The following ZNF385D variants were observed in gnomAD, a reference collection of about 807,000 sequenced individuals.
The protein encoded by ZNF385D is zinc finger protein 659.
ZNF385D carries 15 observed loss-of-function variants against 35.8 expected under a neutral mutation model. The ratio of observed to expected loss-of-function variants is 0.42; its 90% CI spans 0.28 to 0.64. The LOEUF is 0.64. Among genes scored for constraint, ZNF385D ranks in the 30% least tolerant of loss-of-function variants. ZNF385D has a pLI of 0.23. For missense variants in ZNF385D, 474 were observed against 494.6 expected (o/e 0.96, Z 0.39); for synonymous variants, 212 against 186.8 (o/e 1.13, Z -1.10).
intron 2 of ZNF385D, among the ~76,000 whole-genome samples, chr3:22,251,628 T>G (rs750295833): frequency 6.6e-6 from 1 of 152,076 alleles, no homozygotes; most frequent in Non-Finnish European, 1.5e-5. Context: ...ATGTCAGTAG[T>G]GAATCCCTCC....
chr3:21,843,749 G>C (rs187327778), intron 3 of ZNF385D, among the ~76,000 whole-genome samples: 1 of 151,944 alleles, frequency 6.6e-6, no homozygotes, highest in South Asian at 2.1e-4. Context: ...AGCAGATGGT[G>C]AATTCTTAAT....
intron 3 of ZNF385D, among the ~76,000 whole-genome samples, chr3:22,161,818 C>T (rs756008715): frequency 1.3e-5 from 2 of 152,092 alleles, no homozygotes; most frequent in Non-Finnish European, 2.9e-5. Context: ...ATGACATAAA[C>T]TCAATAACAT....
At chr3:21,998,745 T>G (rs753874229) in intron 3 of ZNF385D, among the ~76,000 whole-genome samples, 2 of 152,316 alleles carry the variant, frequency 1.3e-5, no homozygotes, top group African/African-American at 4.8e-5. Flanking sequence ...TCTTTTTAAT[T>G]ATTTGTATTT....
intron 2 of ZNF385D, among the ~76,000 whole-genome samples, chr3:22,297,924 C>T (rs903591975): frequency 6.6e-6 from 1 of 151,930 alleles, no homozygotes; most frequent in African/African-American, 2.4e-5. Flanking sequence ...TAAAAATAAT[C>T]TCTGCATCTA....
intron 3 of ZNF385D, among the ~76,000 whole-genome samples, chr3:22,043,318 G>A (rs1313935227): frequency 6.6e-6 from 1 of 152,066 alleles, no homozygotes; most frequent in African/African-American, 2.4e-5. Flanking sequence ...GAATTATTAT[G>A]TTTCTTACAG....
chr3:21,874,204 A>G (rs1697843675), intron 3 of ZNF385D, among the ~76,000 whole-genome samples: 1 of 152,032 alleles, frequency 6.6e-6, no homozygotes, highest in African/African-American at 2.4e-5. Flanking sequence ...TAACAAGTGT[A>G]AACAATATTT....
intron 1 of ZNF385D, among the ~76,000 whole-genome samples, chr3:21,713,953 T>G (rs1323992816): frequency 1.3e-5 from 2 of 152,156 alleles, no homozygotes; most frequent in Non-Finnish European, 2.9e-5. Flanking sequence ...TTTCAGCCCT[T>G]TACCCTGTTC....
intron 3 of ZNF385D, among the ~76,000 whole-genome samples, chr3:21,956,719 A>G (rs1456565832): frequency 6.6e-6 from 1 of 151,814 alleles, no homozygotes; most frequent in African/African-American, 2.4e-5. Context: ...GCTAAACATA[A>G]TCTCTCAAAA....
chr3:22,014,949 G>C (rs1032468299), intron 3 of ZNF385D, among the ~76,000 whole-genome samples: 1 of 152,118 alleles, frequency 6.6e-6, no homozygotes, highest in African/African-American at 2.4e-5. Flanking sequence ...ACAAATATTT[G>C]AGGAGTGAAT....
At chr3:21,570,144 A>T (rs1346134182) in intron 2 of ZNF385D, among the ~76,000 whole-genome samples, 1 of 152,202 alleles carries the variant, frequency 6.6e-6, no homozygotes, top group Admixed American at 6.5e-5. Context: ...ATGAAGTATG[A>T]TACACTAGCT....
intron 3 of ZNF385D, among the ~76,000 whole-genome samples, chr3:21,857,439 T>G (rs9838038): frequency 6.6e-6 from 1 of 151,844 alleles, no homozygotes; most frequent in African/African-American, 2.4e-5. Context: ...AGATTTTTTG[T>G]TGTTGTTGCT....
chr3:22,006,810 A>C (rs1001483291), intron 3 of ZNF385D, among the ~76,000 whole-genome samples: 1 of 152,044 alleles, frequency 6.6e-6, no homozygotes, highest in African/African-American at 2.4e-5. Flanking sequence ...AAAAACTAAA[A>C]GGGAACACAG....
intron 3 of ZNF385D, among the ~76,000 whole-genome samples, chr3:21,765,041 C>T (rs1430650032): frequency 1.3e-5 from 2 of 152,110 alleles, no homozygotes; most frequent in Admixed American, 1.3e-4. Flanking sequence ...TGGATATCTG[C>T]AGTGGCCAGA....
At position 21,905,221 on chromosome 3, in the gene ZNF385D, A is replaced by AAC. The variant is rs1553696224; in HGVS notation, c.326-240194_326-240193insGT. Reference sequence around the variant, plus strand: ...CAAAAAATCCAAAAAAAAAAAAAAAAAAAAAAACCCTAAACCTGCCTTTAT... The same window carrying AAC: ...CAAAAAATCCAAAAAAAAAAAAAAAAACAAAAAAACCCTAAACCTGCCTTTAT... On this transcript the variant is annotated intron_variant, in intron 3 of 5. Coordinates refer to the ZNF385D transcript ENST00000494108. Among the ~76,000 whole-genome samples, 32 of 149,058 alleles carry AAC rather than the reference A, an allele frequency of 2.1e-4. No homozygotes were observed. In the East Asian group the frequency reaches 2.6e-3, roughly 12 times the overall value.
chr3:21,874,145 G>A (rs1231479198), intron 3 of ZNF385D, among the ~76,000 whole-genome samples: 1 of 151,746 alleles, frequency 6.6e-6, no homozygotes, highest in African/African-American at 2.4e-5. Flanking sequence ...CCATATTCTT[G>A]CTATCACTTC....
At chr3:21,808,986 G>C (rs1418767087) in intron 3 of ZNF385D, among the ~76,000 whole-genome samples, 1 of 152,126 alleles carries the variant, frequency 6.6e-6, no homozygotes, top group Admixed American at 6.5e-5. Context: ...AAACATCAAT[G>C]GGTTGCCCGC....
intron 2 of ZNF385D, among the ~76,000 whole-genome samples, chr3:22,306,647 A>G (rs1300000713): frequency 1.3e-5 from 2 of 152,054 alleles, no homozygotes; most frequent in Admixed American, 6.6e-5. Flanking sequence ...TGAGAGGGAA[A>G]TACTCGCTAT....
At position 22,139,514 on chromosome 3, in the gene ZNF385D, G is replaced by T. The variant is rs1424982254; in HGVS notation, c.325+29303C>A. ...ATCATTCTCAGCAAACTATTGCAAGGACAACAAACCAAACACCTCATGTTC... is the reference window on the plus strand; with the variant it reads ...ATCATTCTCAGCAAACTATTGCAAGTACAACAAACCAAACACCTCATGTTC... On this transcript the variant is annotated intron_variant, in intron 3 of 5. Coordinates refer to the ZNF385D transcript ENST00000494108. Among the ~76,000 whole-genome samples, 6 of 151,162 alleles carry T rather than the reference G, an allele frequency of 4.0e-5. No homozygotes were observed. The East Asian group carries it at 1.2e-3, about 30-fold the overall frequency.
chr3:22,206,800 A>G (rs1697186079), intron 2 of ZNF385D, among the ~76,000 whole-genome samples: 1 of 151,892 alleles, frequency 6.6e-6, no homozygotes, highest in Admixed American at 6.6e-5. Flanking sequence ...AAGTTTATAA[A>G]TGCCAACATC....
Sources: allele counts gnomAD v4.1 joint callset (sites outside exome capture counted in the v4.1 genomes callset), GRCh38; gene constraint gnomAD v4.1.1; transcripts MANE v1.5; gene names NCBI Gene and HGNC (gene_info 2026-07-23, HGNC 2026-07-21).